ABCC8: variants seen among roughly 807,000 people sequenced by gnomAD.
The protein encoded by ABCC8 is ATP binding cassette subfamily C member 8.
ABCC8 carries 137 observed loss-of-function variants against 188.0 expected under a neutral mutation model. The ratio of observed to expected loss-of-function variants is 0.73; its 90% CI spans 0.63 to 0.84. ABCC8 has a LOEUF of 0.84. Ranked by LOEUF, ABCC8 falls within the 40% of genes least tolerant of loss-of-function variation. The pLI is 0.00. For missense variants in ABCC8, 1,750 were observed against 2,072.7 expected (o/e 0.84, Z 3.02); for synonymous variants, 797 against 846.5 (o/e 0.94, Z 1.01).
chr11:17,410,517 C>T lies in ABCC8; in HGVS notation c.2693G>A (p.Trp898Ter), dbSNP rs1382448285. Residue 898 changes from tryptophan to a stop codon, truncating the protein, a stop_gained and splice_region_variant, in exon 22 of 39, where the codon TGG becomes TAG. Transcript: ENST00000389817. LOFTEE classifies it high-confidence loss of function. ...HKLQYLPHADWIIAMKDGTIQ... is the reference protein window; with the variant it reads ...HKLQYLPHAD ...CCTGACCCCCTTGTTCCCCCTCACCCAGTCTGCATGGGGCAGGTACTGTAG... is the reference window on the plus strand; with the variant it reads ...CCTGACCCCCTTGTTCCCCCTCACCTAGTCTGCATGGGGCAGGTACTGTAG... 1.9e-6 allele frequency: 3 copies of T among 1,614,192 alleles called. No homozygotes were observed. The highest frequency in any genetic ancestry group is 2.5e-6 in the Non-Finnish European group (3 of 1,180,024).
chr11:17,406,507 G>T, intron 26 of ABCC8, 115 bp downstream of exon 26: 1 of 1,168,286 alleles, frequency 8.6e-7, no homozygotes, highest in Non-Finnish European at 1.2e-6. Flanking sequence ...GTCTCCTTGA[G>T]TCACCCCCAC....
At position 17,405,567 on chromosome 11, in the gene ABCC8, A is replaced by T; in HGVS notation, c.3330-4T>A. ...AAGGGGCGTGGTCTCAAAAAACCTAAGAGGCAGCCAGAGGAAGAGTTACTC... is the reference window on the plus strand; with the variant it reads ...AAGGGGCGTGGTCTCAAAAAACCTATGAGGCAGCCAGAGGAAGAGTTACTC... On this transcript the variant is annotated splice_polypyrimidine_tract_variant and splice_region_variant and intron_variant, in intron 26 of 38. Transcript: ENST00000389817. 1 of 1,614,242 alleles carries T rather than the reference A, an allele frequency of 6.2e-7. No homozygotes were observed. Among genetic ancestry groups the T allele is most frequent in the Non-Finnish European group, 8.5e-7 (1 of 1,180,030 alleles).
chr11:17,452,524 A>G (rs888349769), intron 7 of ABCC8, among the ~76,000 whole-genome samples: 1 of 152,178 alleles, frequency 6.6e-6, no homozygotes, highest in Non-Finnish European at 1.5e-5. Context: ...ACAGTTCACA[A>G]TAGGGTTCGC....
At chr11:17,475,769 G>T (rs941974457) in intron 1 of ABCC8, among the ~76,000 whole-genome samples, 1 of 152,214 alleles carries the variant, frequency 6.6e-6, no homozygotes, top group South Asian at 2.1e-4. Flanking sequence ...CCCCAAAGCT[G>T]TATATGAATT....
At chr11:17,428,885 G>T in intron 12 of ABCC8, 1 of 798,024 alleles carries the variant, frequency 1.3e-6, no homozygotes, top group East Asian at 2.7e-5. Context: ...ATAGGCTGGG[G>T]TCTGGATTGG....
Position 17,415,004 on chromosome 11 carries a change from C to CTT in ABCC8, c.2291+298_2291+299dup, listed in dbSNP as rs750031942. ...GCAGGTAATTCTCCAAATGGAAGAA[C>CTT]TTTTTTTTTTTTTTTTAAAAGCAGA... On this transcript the variant is annotated intron_variant, in intron 18 of 38. Coordinates refer to ENST00000389817, the MANE Select transcript of ABCC8 (RefSeq NM_000352.6). Among the ~76,000 whole-genome samples the CTT allele has an allele frequency of 2.3e-3, 333 of 141,812 alleles. 1 individual carries two copies. The highest frequency in any genetic ancestry group is 7.9e-3 in the African/African-American group (309 of 38,948). 93.0% of individuals were successfully genotyped at this position (141,812 alleles called of 152,430 possible). A position where few individuals can be genotyped will look rare whatever the true frequency, so the allele number is the denominator to read the frequency against.
chr11:17,439,449 C>T (rs1027929277), intron 10 of ABCC8, among the ~76,000 whole-genome samples: 13 of 152,094 alleles, frequency 8.5e-5, no homozygotes, highest in Non-Finnish European at 1.6e-4. Flanking sequence ...GGGGTCAGAA[C>T]AAGAGATGCC....
At chr11:17,398,253 C>G in intron 30 of ABCC8, 86 bp downstream of exon 30, 5 of 1,532,152 alleles carry the variant, frequency 3.3e-6, no homozygotes, top group Admixed American at 1.8e-5. Flanking sequence ...GTATCCTATC[C>G]TCTCTTTCAT....
intron 10 of ABCC8, among the ~76,000 whole-genome samples, chr11:17,438,317 G>A (rs989687108): frequency 2.0e-5 from 3 of 152,206 alleles, no homozygotes; most frequent in African/African-American, 7.2e-5. Flanking sequence ...AAGACCCAGA[G>A]TCAGGTGAGT....
At chr11:17,419,894 G>A (rs1955256564) in intron 16 of ABCC8, among the ~76,000 whole-genome samples, 1 of 152,192 alleles carries the variant, frequency 6.6e-6, no homozygotes, top group Non-Finnish European at 1.5e-5. Flanking sequence ...TTACTTGGAG[G>A]AGCCTCTGTT....
intron 6 of ABCC8, among the ~76,000 whole-genome samples, chr11:17,459,580 C>A (rs951244308): frequency 3.3e-5 from 5 of 152,186 alleles, no homozygotes; most frequent in Non-Finnish European, 5.9e-5. Context: ...TTATTAAAAA[C>A]CCTAATTCCC....
At chr11:17,430,492 G>A in intron 12 of ABCC8, 2 of 399,858 alleles carry the variant, frequency 5.0e-6, no homozygotes, top group African/African-American at 2.1e-5. Context: ...TCTGGAGGGT[G>A]AAGTTAGGAC....
Position 17,402,679 on chromosome 11 carries a change from G to A in ABCC8, c.3632C>T (p.Thr1211Ile). 1.2e-6 allele frequency: 2 copies of A among 1,614,232 alleles called. No individual in the cohort carries two copies. The highest frequency in any genetic ancestry group is 8.5e-7 in the Non-Finnish European group (1 of 1,180,052). Residue 1211 changes from threonine (T) to isoleucine (I), a missense_variant, in exon 29 of 39, where the codon ACC (threonine) becomes ATC (isoleucine). Physicochemically the swap from Thr to Ile is moderately conservative, Grantham distance 89. Coordinates refer to ENST00000389817, the MANE Select transcript of ABCC8 (RefSeq NM_000352.6). Reference protein sequence around the residue: ...SHFAETVEGLTTIRAFRYEAR... With the variant: ...SHFAETVEGLITIRAFRYEAR... ...CTCGTACCTGAAGGCCCGGATGGTG[G>A]TGAGTCCTTCTACGGTTTCGGCAAA... is the stretch of plus-strand genomic sequence containing the variant.
intron 8 of ABCC8, among the ~76,000 whole-genome samples, chr11:17,443,846 C>T (rs1222057623): frequency 6.6e-6 from 1 of 152,090 alleles, no homozygotes; most frequent in African/African-American, 2.4e-5. Flanking sequence ...AAGAGAATTC[C>T]TTCTGCATTT....
At chr11:17,424,142 C>T (rs927366751) in intron 16 of ABCC8, among the ~76,000 whole-genome samples, 14 of 152,022 alleles carry the variant, frequency 9.2e-5, no homozygotes, top group African/African-American at 3.1e-4. Flanking sequence ...GGGAGGGGAA[C>T]ATCACATACC....
chr11:17,405,469 G>T (rs778326316), intron 27 of ABCC8, 25 bp downstream of exon 27: 1 of 1,614,150 alleles, frequency 6.2e-7, no homozygotes, highest in Non-Finnish European at 8.5e-7. Context: ...TGGAAGGGGG[G>T]ATAGTGTGGC....
intron 10 of ABCC8, among the ~76,000 whole-genome samples, chr11:17,437,325 T>C (rs2133575336): frequency 6.6e-6 from 1 of 152,326 alleles, no homozygotes; most frequent in Admixed American, 6.5e-5. Context: ...AGGAATGTTT[T>C]CTGGCCCTTA....
chr11:17,458,274 G>T (rs1215636993), intron 6 of ABCC8, among the ~76,000 whole-genome samples: 2 of 152,238 alleles, frequency 1.3e-5, no homozygotes, highest in Admixed American at 6.5e-5. Context: ...GGATTTGTGT[G>T]CTAAGTAACT....
At chr11:17,428,099 A>G in intron 14 of ABCC8, 157 bp from the exon 15 acceptor site, 2 of 1,577,848 alleles carry the variant, frequency 1.3e-6, no homozygotes, top group Non-Finnish European at 1.7e-6. Flanking sequence ...TGGCCTTCTC[A>G]TGCTGACCCT....
Sources: allele counts gnomAD v4.1 joint callset (sites outside exome capture counted in the v4.1 genomes callset), GRCh38; gene constraint gnomAD v4.1.1; transcripts MANE v1.5; gene names NCBI Gene and HGNC (gene_info 2026-07-23, HGNC 2026-07-21).